Variants in GLIS3 observed in about 807,000 individuals in gnomAD.
GLIS3 encodes zinc finger protein GLIS3.
GLIS3 carries 53 observed loss-of-function variants against 78.6 expected under a neutral mutation model. That is an observed-to-expected ratio of 0.67 (90% confidence interval 0.54 to 0.85). The LOEUF (loss-of-function observed/expected upper bound fraction) is 0.85, where lower values mean the gene tolerates loss of function less well. GLIS3 is among the 40% of genes least tolerant of loss of function. GLIS3 has a pLI of 0.00. For synonymous variants in GLIS3, 684 were observed against 509.9 expected, an observed-to-expected ratio of 1.34 and a Z score of -4.60; for missense variants, 1,703 against 1,231.1, an observed-to-expected ratio of 1.38 and a Z score of -5.74.
intron 4 of GLIS3, among the ~76,000 whole-genome samples, chr9:3,970,120 A>AAAAC (rs2130917847): frequency 6.6e-6 from 1 of 152,338 alleles, no homozygotes; most frequent in South Asian, 2.1e-4. Context: ...AGATAATTTG[A>AAAAC]AAACAATTAT....
At chr9:3,855,880 A>T in intron 9 of GLIS3, 129 bp downstream of exon 9, 5 of 1,004,394 alleles carry the variant, frequency 5.0e-6, no homozygotes, top group Non-Finnish European at 7.9e-6. Flanking sequence ...GAAATTTTAG[A>T]GGCAAGTCAT....
At chr9:4,188,471 T>C (rs1331411603) in intron 2 of GLIS3, among the ~76,000 whole-genome samples, 26 of 146,060 alleles carry the variant, frequency 1.8e-4, no homozygotes, top group East Asian at 2.0e-4. Context: ...TTTGGTTGTG[T>C]CTCTGCCCGG....
chr9:3,992,078 T>C (rs1019795504), intron 4 of GLIS3, among the ~76,000 whole-genome samples: 5 of 152,150 alleles, frequency 3.3e-5, no homozygotes, highest in Non-Finnish European at 5.9e-5. Context: ...ATAGAGTAAG[T>C]AAGAAAATAA....
At chr9:4,152,340 T>A (rs541046589) in intron 2 of GLIS3, among the ~76,000 whole-genome samples, 1 of 152,120 alleles carries the variant, frequency 6.6e-6, no homozygotes, top group South Asian at 2.1e-4. Flanking sequence ...AAGAGAAAAA[T>A]CCCTAAGGAC....
intron 2 of GLIS3, among the ~76,000 whole-genome samples, chr9:4,199,724 A>G (rs1241171174): frequency 6.6e-6 from 1 of 152,122 alleles, no homozygotes; most frequent in African/African-American, 2.4e-5. Flanking sequence ...ACTTCAACAC[A>G]CCCACTGACA....
intron 4 of GLIS3, among the ~76,000 whole-genome samples, chr9:3,999,610 GATA>G (rs1820988195): frequency 6.6e-6 from 1 of 151,834 alleles, no homozygotes; most frequent in South Asian, 2.1e-4. Flanking sequence ...CATTAACAAA[GATA>G]ATAATTAAGA....
chr9:4,210,927 G>C (rs1344324374), intron 2 of GLIS3, among the ~76,000 whole-genome samples: 1 of 152,136 alleles, frequency 6.6e-6, no homozygotes, highest in East Asian at 1.9e-4. Flanking sequence ...AAGCTTCCCT[G>C]ACAGCTTTAG....
chr9:4,189,367 T>C (rs1196800363), intron 2 of GLIS3, among the ~76,000 whole-genome samples: 5 of 152,238 alleles, frequency 3.3e-5, no homozygotes, highest in Non-Finnish European at 5.9e-5. Context: ...GAGAGTTTGT[T>C]ATAATTTCTG....
intron 4 of GLIS3, among the ~76,000 whole-genome samples, chr9:4,089,764 AG>A (rs1316596048): frequency 6.6e-6 from 1 of 152,138 alleles, no homozygotes; most frequent in Non-Finnish European, 1.5e-5. Flanking sequence ...GGCTATGGTG[AG>A]CTACGATCAT....
chr9:4,172,465 T>C (rs1013777503), intron 2 of GLIS3, among the ~76,000 whole-genome samples: 2 of 152,204 alleles, frequency 1.3e-5, no homozygotes, highest in East Asian at 1.9e-4. Flanking sequence ...CATCTGAGAT[T>C]ATTCCAAATC....
chr9:4,220,615 G>T (rs770594961), intron 2 of GLIS3, among the ~76,000 whole-genome samples: 4 of 152,056 alleles, frequency 2.6e-5, no homozygotes, highest in African/African-American at 9.7e-5. Flanking sequence ...AAGTCAAACT[G>T]GGCATACTGA....
rs529296582 is a variant in GLIS3, at chr9:4,292,050, G to A, written c.-98-5527C>T. On this transcript the variant is annotated intron_variant, in intron 1 of 10. Coordinates refer to ENST00000381971, the MANE Select transcript of GLIS3 (RefSeq NM_001042413.2). Reference sequence around the variant, plus strand: ...ATAAGAAATCACACAAAATGAAAACGAACTTGGAACCAAAAAGATTTTTAA... The same window carrying A: ...ATAAGAAATCACACAAAATGAAAACAAACTTGGAACCAAAAAGATTTTTAA... 1.1e-4 allele frequency among the ~76,000 whole-genome samples: 17 copies of A among 152,176 alleles called. No individual in the cohort carries two copies. In the South Asian group the frequency reaches 1.9e-3, roughly 17 times the overall value.
At chr9:4,291,703 T>A (rs185745464) in intron 1 of GLIS3, among the ~76,000 whole-genome samples, 1 of 152,114 alleles carries the variant, frequency 6.6e-6, no homozygotes, top group African/African-American at 2.4e-5. Flanking sequence ...AGAAGCAGCA[T>A]TGAGAGCCTT....
chr9:4,327,494 G>C (rs148877162), intron 2 of GLIS3, among the ~76,000 whole-genome samples: 1 of 152,154 alleles, frequency 6.6e-6, no homozygotes, highest in South Asian at 2.1e-4. Flanking sequence ...GAGCAGAGGA[G>C]ACCAGACAGA....
chr9:3,829,216 C>T, intron 10 of GLIS3, 94 bp downstream of exon 10: 1 of 1,046,150 alleles, frequency 9.6e-7, no homozygotes, highest in East Asian at 2.4e-5. Flanking sequence ...CGGTCATGTG[C>T]TTGGTCACGT....
At chr9:4,189,223 C>T (rs1051027440) in intron 2 of GLIS3, among the ~76,000 whole-genome samples, 4 of 152,038 alleles carry the variant, frequency 2.6e-5, no homozygotes, top group East Asian at 3.9e-4. Context: ...TTTCAAAGAA[C>T]ATCTTTATTT....
intron 2 of GLIS3, among the ~76,000 whole-genome samples, chr9:4,235,823 T>C (rs1822679894): frequency 6.6e-6 from 1 of 152,040 alleles, no homozygotes; most frequent in African/African-American, 2.4e-5. Context: ...TGAAAACTGA[T>C]TAAAGAGAAC....
chr9:4,456,638 C>T, the GLIS3 span, among the ~76,000 whole-genome samples: 3 of 152,200 alleles, frequency 2.0e-5, no homozygotes, highest in African/African-American at 7.2e-5. Context: ...ATGCCTTCCT[C>T]ACTAGGATTA....
chr9:4,354,655 A>G, the GLIS3 span, among the ~76,000 whole-genome samples: 1 of 152,182 alleles, frequency 6.6e-6, no homozygotes, highest in South Asian at 2.1e-4. Context: ...CGAGCCTCTC[A>G]CTGCGGTCCT....
Sources: gnomAD v4.1 joint callset for allele counts (sites outside exome capture counted in the v4.1 genomes callset) on GRCh38, gnomAD v4.1.1 for gene constraint, MANE v1.5 for transcripts, NCBI Gene and HGNC (gene_info 2026-07-23, HGNC 2026-07-21) for gene names.